Variants in IGSF10 observed in about 807,000 individuals in gnomAD.
IGSF10 encodes immunoglobulin superfamily member 10.
Under a neutral mutation model 128.2 loss-of-function variants are expected in IGSF10, and 126 were observed. The ratio of observed to expected loss-of-function variants is 0.98; its 90% confidence interval spans 0.85 to 1.14. The LOEUF (loss-of-function observed/expected upper bound fraction) is 1.14. Ranked by LOEUF, IGSF10 falls within the 50% of genes most tolerant of loss-of-function variation. IGSF10 has a pLI of 0.00. For missense variants in IGSF10, 3,295 were observed against 3,149.8 expected (o/e 1.05, Z -1.10); for synonymous variants, 1,185 against 1,146.2 (o/e 1.03, Z -0.68).
chr3:151,459,282 G>A (rs956264193), intron 2 of IGSF10, among the ~76,000 whole-genome samples: 6 of 152,078 alleles, frequency 3.9e-5, no homozygotes, highest in African/African-American at 1.4e-4. Flanking sequence ...ACGTGTATAT[G>A]TGTACATGTG....
chr3:151,537,804 A>G, the IGSF10 span, among the ~76,000 whole-genome samples: 1 of 152,172 alleles, frequency 6.6e-6, no homozygotes, highest in Non-Finnish European at 1.5e-5. Context: ...CCCTTCTAAA[A>G]ATTGGAGCAA....
chr3:151,441,438 CA>C (rs1720840869), intron 7 of IGSF10, among the ~76,000 whole-genome samples: 1 of 152,014 alleles, frequency 6.6e-6, no homozygotes, highest in South Asian at 2.1e-4. Flanking sequence ...TTTTTGATGA[CA>C]TTTGAAAAAC....
chr3:151,458,837 C>A, intron 2 of IGSF10, 127 bp from the exon 3 acceptor site: 1 of 697,716 alleles, frequency 1.4e-6, no homozygotes, highest in South Asian at 2.0e-5. Context: ...CCATTCCTAC[C>A]CTTTGTGGTC....
In IGSF10 at chr3:151,447,466, C is replaced by T. The variant is rs1721263662; in HGVS notation, c.2515G>A (p.Gly839Ser). Residue 839 changes from glycine (G) to serine (S), a missense_variant, in exon 6 of 8, where the codon GGC becomes AGC. Physicochemically the swap from Gly to Ser is moderately conservative, Grantham distance 56 (BLOSUM62 0). Transcript: ENST00000282466. ...SDSPMTNINYGTEFSPVVNSQ... is the reference protein window; with the variant it reads ...SDSPMTNINYSTEFSPVVNSQ... ...TTCACAACAGGAGAGAATTCTGTGCCATAATTTATGTTTGTCATAGGACTA... is the reference window on the plus strand; with the variant it reads ...TTCACAACAGGAGAGAATTCTGTGCTATAATTTATGTTTGTCATAGGACTA... The T allele has an allele frequency of 6.2e-7, 1 of 1,614,094 alleles. No homozygotes were observed. Among genetic ancestry groups the T allele is most frequent in the Non-Finnish European group, 8.5e-7 (1 of 1,179,984 alleles).
At chr3:151,515,339 A>G in the IGSF10 span, among the ~76,000 whole-genome samples, 20 of 151,764 alleles carry the variant, frequency 1.3e-4, no homozygotes, top group African/African-American at 4.8e-4. Context: ...GAAGCTGGAA[A>G]CCATCATTCT....
the IGSF10 span, among the ~76,000 whole-genome samples, chr3:151,619,430 ATGTGTGTGTGTGTGTG>A: frequency 8.3e-5 from 12 of 144,330 alleles, no homozygotes; most frequent in East Asian, 1.2e-3. Context: ...ATTACTTTTA[ATGTGTGTGTGTGTGTG>A]TGTGTGTGTG....
the IGSF10 span, among the ~76,000 whole-genome samples, chr3:151,503,805 G>C: frequency 2.0e-5 from 3 of 152,116 alleles, no homozygotes; most frequent in Admixed American, 2.0e-4. Context: ...GGCAGGTAGA[G>C]GGTTAGGGAG....
At chr3:151,457,227 A>G (rs1721838445) in intron 3 of IGSF10, 72 bp from the exon 4 acceptor site, 1 of 1,360,424 alleles carries the variant, frequency 7.4e-7, no homozygotes, top group South Asian at 1.2e-5. Context: ...TAACCAAAAT[A>G]AACACAAGAA....
chr3:151,566,431 A>G, the IGSF10 span, among the ~76,000 whole-genome samples: 2,395 of 152,324 alleles, frequency 0.016, 19 homozygotes, highest in South Asian at 0.057. Flanking sequence ...GTGTTATGCT[A>G]TAACAAACTC....
chr3:151,493,962 A>G, the IGSF10 span, among the ~76,000 whole-genome samples: 1 of 152,092 alleles, frequency 6.6e-6, no homozygotes, highest in Non-Finnish European at 1.5e-5. Context: ...GTTACACAGC[A>G]ATAGATGACT....
chr3:151,444,922 A>T lies in IGSF10; in HGVS notation c.5059T>A (p.Ser1687Thr), dbSNP rs368658235. 3.1e-6 allele frequency: 5 copies of T among 1,592,542 alleles called. No homozygotes were observed. The highest frequency in any genetic ancestry group is 4.3e-6 in the Non-Finnish European group (5 of 1,172,614). The change falls in exon 6 of 8, where the codon TCA (serine) becomes ACA (threonine). Residue 1687 changes from serine to threonine, a missense_variant. Transcript: ENST00000282466. ...LPTIHWTRVPSGLDLSKRKQN... is the reference protein window; with the variant it reads ...LPTIHWTRVPTGLDLSKRKQN... ...GTAAAGAAAAAGTTTCACATACCTG[A>T]TGGGACTCTGGTCCAATGAATGGTG...
the IGSF10 span, among the ~76,000 whole-genome samples, chr3:151,509,243 G>A: frequency 2.0e-5 from 3 of 152,062 alleles, no homozygotes; most frequent in East Asian, 5.8e-4. Flanking sequence ...TGAATTCCAA[G>A]AAAATACTTT....
chr3:151,553,195 A>G, the IGSF10 span, among the ~76,000 whole-genome samples: 1 of 152,192 alleles, frequency 6.6e-6, no homozygotes, highest in Non-Finnish European at 1.5e-5. Context: ...CTGAAGGGTT[A>G]GCAATTTTGG....
chr3:151,600,995 A>G, the IGSF10 span, among the ~76,000 whole-genome samples: 1 of 152,030 alleles, frequency 6.6e-6, no homozygotes, highest in Non-Finnish European at 1.5e-5. Flanking sequence ...TATGTCAAGG[A>G]AAGAAATCTT....
At chr3:151,613,958 T>A in the IGSF10 span, among the ~76,000 whole-genome samples, 2 of 152,050 alleles carry the variant, frequency 1.3e-5, no homozygotes, top group Non-Finnish European at 2.9e-5. Context: ...GAATCTACAA[T>A]GAACTCAAAC....
the IGSF10 span, among the ~76,000 whole-genome samples, chr3:151,562,315 C>A: frequency 1.2e-3 from 175 of 152,124 alleles, 1 homozygote; most frequent in African/African-American, 4.1e-3. Context: ...AATAATCCAC[C>A]CCTTGTTTAG....
the IGSF10 span, among the ~76,000 whole-genome samples, chr3:151,529,511 A>G: frequency 3.3e-5 from 5 of 152,276 alleles, no homozygotes; most frequent in Admixed American, 1.3e-4. Context: ...AGAGGAAGGA[A>G]CAGGCAGCAA....
At chr3:151,527,487 T>A in the IGSF10 span, among the ~76,000 whole-genome samples, 2 of 152,338 alleles carry the variant, frequency 1.3e-5, no homozygotes, top group East Asian at 3.9e-4. Context: ...CTTTTTGACT[T>A]ACATAACTTT....
At chr3:151,462,158 T>C (rs957789788), upstream of IGSF10, among the ~76,000 whole-genome samples, 1 of 152,172 alleles carries the variant, frequency 6.6e-6, no homozygotes, top group African/African-American at 2.4e-5. Context: ...AACACTGAGT[T>C]AACATAACTA....
Sources: allele counts gnomAD v4.1 joint callset (sites outside exome capture counted in the v4.1 genomes callset), GRCh38; gene constraint gnomAD v4.1.1; transcripts MANE v1.5; gene names NCBI Gene and HGNC (gene_info 2026-07-23, HGNC 2026-07-21).